UVRAG: variants seen among roughly 807,000 people sequenced by gnomAD.
UVRAG encodes the protein UV radiation resistance associated, also known as UV radiation resistance-associated gene protein.
UVRAG carries 19 observed loss-of-function variants against 78.0 expected under a neutral mutation model. The ratio of observed to expected loss-of-function variants is 0.24; its 90% CI spans 0.17 to 0.36. The LOEUF (loss-of-function observed/expected upper bound fraction) is 0.36, where lower values mean the gene tolerates loss of function less well. Ranked by LOEUF, UVRAG falls within the 10% of genes least tolerant of loss-of-function variation. The probability of loss-of-function intolerance (pLI) is 1.00; values close to 1 mark genes in which losing one functional copy is unlikely to be tolerated. For synonymous variants in UVRAG, 323 were observed against 324.6 expected (o/e 1.00, Z 0.05); for missense variants, 740 against 853.8 (o/e 0.87, Z 1.66).
intron 8 of UVRAG, among the ~76,000 whole-genome samples, chr11:76,002,283 C>T (rs1339573282): frequency 6.6e-6 from 1 of 152,144 alleles, no homozygotes; most frequent in East Asian, 1.9e-4. Context: ...CCTATGGAAC[C>T]AATAAGCTGT....
At chr11:75,826,377 A>C (rs1053774382) in intron 1 of UVRAG, among the ~76,000 whole-genome samples, 1 of 151,328 alleles carries the variant, frequency 6.6e-6, no homozygotes, top group African/African-American at 2.4e-5. Flanking sequence ...GGCTGGTCTC[A>C]AACTCCTGAC....
At chr11:75,957,621 T>C (rs1031020132) in intron 6 of UVRAG, among the ~76,000 whole-genome samples, 1 of 152,164 alleles carries the variant, frequency 6.6e-6, no homozygotes, top group Admixed American at 6.5e-5. Flanking sequence ...TATTTACCCA[T>C]TTGGGAAAAG....
intron 13 of UVRAG, among the ~76,000 whole-genome samples, chr11:76,085,762 T>C (rs1357233868): frequency 6.6e-6 from 1 of 152,212 alleles, no homozygotes; most frequent in Non-Finnish European, 1.5e-5. Context: ...ACATTACTTA[T>C]GTCAGTGGAA....
chr11:75,895,504 A>G lies in UVRAG; in HGVS notation c.507+6601A>G, dbSNP rs566049835. ...TACCTAATACACTGAAAAATTTTTC[A>G]TTAAAATAAATACTGGATTTTAATC... On this transcript the variant is annotated intron_variant, in intron 5 of 14. Coordinates refer to ENST00000356136, the MANE Select transcript of UVRAG (RefSeq NM_003369.4). Among the ~76,000 whole-genome samples the G allele has an allele frequency of 3.3e-5, 5 of 152,318 alleles. No individual in the cohort carries two copies. The East Asian group carries it at 9.6e-4, about 29-fold the overall frequency.
intron 6 of UVRAG, among the ~76,000 whole-genome samples, chr11:75,912,681 A>G (rs1947765117): frequency 6.6e-6 from 1 of 152,220 alleles, no homozygotes. Flanking sequence ...CACCCTACTC[A>G]GACAGATTGT....
At chr11:75,964,567 C>A (rs1948974206) in intron 7 of UVRAG, among the ~76,000 whole-genome samples, 1 of 152,176 alleles carries the variant, frequency 6.6e-6, no homozygotes, top group African/African-American at 2.4e-5. Flanking sequence ...CCATGATGAG[C>A]ATTTTTCATA....
chr11:76,088,090 C>CA (rs1229466753), intron 13 of UVRAG, among the ~76,000 whole-genome samples: 2 of 152,062 alleles, frequency 1.3e-5, no homozygotes, highest in Non-Finnish European at 2.9e-5. Flanking sequence ...TTTTTTGAGT[C>CA]AGAGTTTTGC....
At chr11:76,032,809 C>T (rs751619105) in intron 12 of UVRAG, among the ~76,000 whole-genome samples, 6 of 152,172 alleles carry the variant, frequency 3.9e-5, no homozygotes, top group Non-Finnish European at 8.8e-5. Flanking sequence ...TACACCTTTC[C>T]ATGGACCAAA....
At chr11:75,981,718 C>T (rs1271687062) in intron 7 of UVRAG, among the ~76,000 whole-genome samples, 1 of 151,824 alleles carries the variant, frequency 6.6e-6, no homozygotes, top group Non-Finnish European at 1.5e-5. Context: ...TACACAGGTC[C>T]CTGATGTTTT....
At chr11:76,001,330 C>G (rs1030499140) in intron 8 of UVRAG, among the ~76,000 whole-genome samples, 1 of 152,116 alleles carries the variant, frequency 6.6e-6, no homozygotes, top group African/African-American at 2.4e-5. Flanking sequence ...AAATTTATAG[C>G]ATTTCATGCC....
intron 8 of UVRAG, among the ~76,000 whole-genome samples, chr11:76,000,876 A>G (rs1421076416): frequency 6.6e-6 from 1 of 152,212 alleles, no homozygotes; most frequent in Non-Finnish European, 1.5e-5. Context: ...TAAAGCAAAA[A>G]TAGATAGAAC....
chr11:76,004,278 G>A (rs571007481), intron 9 of UVRAG, among the ~76,000 whole-genome samples, 189 bp downstream of exon 9: 4 of 152,218 alleles, frequency 2.6e-5, no homozygotes, highest in Non-Finnish European at 4.4e-5. Flanking sequence ...CCAGAGGTCA[G>A]TTATGAAAGC....
intron 6 of UVRAG, among the ~76,000 whole-genome samples, chr11:75,925,597 T>G (rs1395182308): frequency 6.6e-6 from 1 of 152,212 alleles, no homozygotes; most frequent in Non-Finnish European, 1.5e-5. Context: ...GGTCTTTCAT[T>G]CGTTGAGAAA....
chr11:75,992,823 C>T (rs560974278), intron 8 of UVRAG, among the ~76,000 whole-genome samples: 1 of 152,278 alleles, frequency 6.6e-6, no homozygotes, highest in East Asian at 1.9e-4. Flanking sequence ...ATTTTGAAAG[C>T]ACCATAGTCA....
At chr11:75,899,714 T>C (rs1947443961) in intron 5 of UVRAG, among the ~76,000 whole-genome samples, 1 of 152,224 alleles carries the variant, frequency 6.6e-6, no homozygotes, top group Admixed American at 6.5e-5. Flanking sequence ...TAGTTGTGCA[T>C]TGTGGGAATC....
intron 3 of UVRAG, among the ~76,000 whole-genome samples, chr11:75,872,121 G>C (rs1051096718): frequency 6.6e-6 from 1 of 152,016 alleles, no homozygotes; most frequent in African/African-American, 2.4e-5. Context: ...TGGAGTTGGT[G>C]GTCTGTTGAA....
At chr11:76,123,567 C>G (rs1480040722) in intron 14 of UVRAG, among the ~76,000 whole-genome samples, 2 of 152,188 alleles carry the variant, frequency 1.3e-5, no homozygotes, top group South Asian at 2.1e-4. Flanking sequence ...TCAAAGCCAT[C>G]TGTCCTGTTT....
Position 75,859,052 on chromosome 11 carries a change from A to C in UVRAG, c.236-2694A>C, listed in dbSNP as rs140672452. On this transcript the variant is annotated intron_variant, in intron 2 of 14. Coordinates refer to ENST00000356136, the MANE Select transcript of UVRAG (RefSeq NM_003369.4). The stretch of plus-strand genomic sequence containing the variant: ...ATATTTATATTTAATGGTCTTTTTC[A>C]TGTAGAAGTAGGTCTTGAATGATAT... Among the ~76,000 whole-genome samples the C allele has an allele frequency of 1.2e-4, 18 of 152,250 alleles. 1 individual carries two copies. The East Asian group carries it at 3.5e-3, about 29-fold the overall frequency.
intron 6 of UVRAG, among the ~76,000 whole-genome samples, chr11:75,914,780 C>T (rs1947815528): frequency 6.6e-6 from 1 of 151,968 alleles, no homozygotes; most frequent in Non-Finnish European, 1.5e-5. Context: ...AGGCGTGAGC[C>T]ACTGTGCCTG....
Sources: allele counts gnomAD v4.1 joint callset (sites outside exome capture counted in the v4.1 genomes callset), GRCh38; gene constraint gnomAD v4.1.1; transcripts MANE v1.5; gene names NCBI Gene and HGNC (gene_info 2026-07-23, HGNC 2026-07-21).